The following SERGEF variants were observed in gnomAD, a reference collection of about 807,000 sequenced individuals.
The protein encoded by SERGEF is secretion-regulating guanine nucleotide exchange factor.
SERGEF carries 51 observed loss-of-function variants against 50.0 expected under a neutral mutation model. The ratio of observed to expected loss-of-function variants is 1.02; its 90% confidence interval spans 0.81 to 1.29. The LOEUF is 1.29. SERGEF is among the 50% of genes most tolerant of loss of function. The probability of loss-of-function intolerance (pLI) is 0.00; values close to 1 mark genes in which losing one functional copy is unlikely to be tolerated. For synonymous variants in SERGEF, 205 were observed against 212.4 expected (o/e 0.97, Z 0.30); for missense variants, 521 against 557.0 (o/e 0.94, Z 0.65).
chr11:18,005,847 A>C (rs1854061974), intron 3 of SERGEF, among the ~76,000 whole-genome samples: 1 of 152,192 alleles, frequency 6.6e-6, no homozygotes, highest in Admixed American at 6.5e-5. Flanking sequence ...TTTAGAAAAA[A>C]AAAAATCCCA....
chr11:17,863,055 G>A lies in SERGEF; in HGVS notation c.1048+15153C>T, dbSNP rs540130118. On this transcript the variant is annotated intron_variant, in intron 10 of 10. Coordinates refer to ENST00000265965, the MANE Select transcript of SERGEF (RefSeq NM_012139.4). ...CTCTGCAGGGAGCAGCACAAGAAGC[G>A]GCAAGTGCAGACCTTGCAGTCAGCA... is the stretch of plus-strand genomic sequence containing the variant. Among the ~76,000 whole-genome samples, 59 of 152,310 alleles carry A rather than the reference G, an allele frequency of 3.9e-4. No individual in the cohort carries two copies. The South Asian group carries it at 0.011, about 28-fold the overall frequency.
At chr11:17,865,418 A>T (rs1176750818) in intron 10 of SERGEF, among the ~76,000 whole-genome samples, 1 of 152,046 alleles carries the variant, frequency 6.6e-6, no homozygotes, top group Non-Finnish European at 1.5e-5. Flanking sequence ...CTGTAAAAAT[A>T]CCTCCTAAAA....
chr11:17,811,318 T>G (rs1849869170), intron 10 of SERGEF, among the ~76,000 whole-genome samples: 1 of 152,222 alleles, frequency 6.6e-6, no homozygotes, highest in South Asian at 2.1e-4. Context: ...CACATGGACG[T>G]AGCCAGGAGA....
At chr11:17,954,962 G>A (rs1852836313) in intron 9 of SERGEF, among the ~76,000 whole-genome samples, 1 of 152,188 alleles carries the variant, frequency 6.6e-6, no homozygotes, top group Non-Finnish European at 1.5e-5. Context: ...TGCTGGGATC[G>A]AATGAGACAA....
At position 17,878,194 on chromosome 11, in the gene SERGEF, TA is replaced by T; in HGVS notation, c.1048+13del. On this transcript the variant is annotated intron_variant, in intron 10 of 10. Transcript: ENST00000265965. ...TTTTCAGAAGAAACAGTTATCAGTA[TA>T]AAAATTACTTACCAATTATTGCCAA... The T allele has an allele frequency of 6.4e-7, 1 of 1,560,274 alleles. No individual in the cohort carries two copies. Among genetic ancestry groups the T allele is most frequent in the Non-Finnish European group, 8.8e-7 (1 of 1,138,428 alleles).
rs377558627 is a variant in SERGEF, at chr11:17,992,864, A to C, written c.685+67T>G. ...GACATTCCCTCTGTATTTCAATATC[A>C]CCACTTCAGGCAGTCACATACAGAA... On this transcript the variant is annotated intron_variant, in intron 7 of 10. Coordinates refer to ENST00000265965, the MANE Select transcript of SERGEF (RefSeq NM_012139.4). The C allele has an allele frequency of 1.2e-5, 16 of 1,314,760 alleles. No individual in the cohort carries two copies. The African/African-American group carries it at 2.2e-4, about 18-fold the overall frequency. 81.4% of individuals were successfully genotyped at this position (1,314,760 alleles called of 1,614,324 possible). A position where few individuals can be genotyped will look rare whatever the true frequency, so the allele number is the denominator to read the frequency against.
chr11:17,830,685 A>AGCGAGAGC (rs1554999499), intron 10 of SERGEF, among the ~76,000 whole-genome samples: 1 of 118,884 alleles, frequency 8.4e-6, no homozygotes, highest in African/African-American at 2.7e-5. Flanking sequence ...AGAGAGAGAG[A>AGCGAGAGC]GAGCACATGT....
At chr11:17,867,666 C>T (rs1006430115) in intron 10 of SERGEF, among the ~76,000 whole-genome samples, 21 of 152,244 alleles carry the variant, frequency 1.4e-4, no homozygotes, top group Non-Finnish European at 2.9e-5. Context: ...TTCCCTTCCA[C>T]ACTGCTCTAG....
At chr11:17,882,233 T>C (rs765930517) in intron 9 of SERGEF, among the ~76,000 whole-genome samples, 21 of 151,976 alleles carry the variant, frequency 1.4e-4, no homozygotes, top group Non-Finnish European at 2.4e-4. Flanking sequence ...CTGGCCAACA[T>C]GGTGAAACCC....
intron 8 of SERGEF, among the ~76,000 whole-genome samples, chr11:17,966,514 G>GT (rs1351229988): frequency 6.6e-6 from 1 of 152,122 alleles, no homozygotes; most frequent in Admixed American, 6.5e-5. Flanking sequence ...AAAATCTTCA[G>GT]TATTAAAATG....
At chr11:17,944,901 A>C (rs1852628582) in intron 9 of SERGEF, among the ~76,000 whole-genome samples, 1 of 152,254 alleles carries the variant, frequency 6.6e-6, no homozygotes, top group Non-Finnish European at 1.5e-5. Context: ...GAAAAGTATA[A>C]AATGAAAAGA....
intron 9 of SERGEF, among the ~76,000 whole-genome samples, chr11:17,946,293 CACT>C (rs1852660204): frequency 6.6e-6 from 1 of 152,170 alleles, no homozygotes; most frequent in Admixed American, 6.5e-5. Flanking sequence ...TAACGACCAC[CACT>C]GAGTCTCACT....
intron 8 of SERGEF, among the ~76,000 whole-genome samples, chr11:17,961,096 T>A (rs955231444): frequency 6.6e-6 from 1 of 152,180 alleles, no homozygotes; most frequent in African/African-American, 2.4e-5. Flanking sequence ...GCCACCTTTA[T>A]CATTGTACTC....
rs55967425 is a variant in SERGEF, at chr11:17,830,649, GGAGAGAGA to G, written c.1049-42244_1049-42237del. Among the ~76,000 whole-genome samples, 640 of 77,744 alleles carry G rather than the reference GGAGAGAGA, an allele frequency of 8.2e-3. 6 individuals carry two copies. Among genetic ancestry groups the G allele is most frequent in the African/African-American group, 0.024 (413 of 17,334 alleles). The allele number at this position is 77,744 out of a possible 152,430, so 51.0% of individuals were successfully genotyped here. On this transcript the variant is annotated intron_variant, in intron 10 of 10. Coordinates refer to ENST00000265965, the MANE Select transcript of SERGEF (RefSeq NM_012139.4). ...GAGGGAAAGGGGGAGGGAGAGGGAG[GGAGAGAGA>G]GAGAGAGAGAGAGAGAGAGAGAGAG... is the stretch of plus-strand genomic sequence containing the variant.
At chr11:17,922,805 C>T (rs747433997) in intron 9 of SERGEF, among the ~76,000 whole-genome samples, 2 of 152,196 alleles carry the variant, frequency 1.3e-5, no homozygotes, top group Non-Finnish European at 2.9e-5. Flanking sequence ...ATGCACCTGG[C>T]ACAATGCACA....
chr11:17,818,385 CA>C (rs779136949), intron 10 of SERGEF, among the ~76,000 whole-genome samples: 3 of 152,260 alleles, frequency 2.0e-5, no homozygotes, highest in Non-Finnish European at 4.4e-5. Context: ...GGAAATTTTA[CA>C]GAAAATATCT....
At chr11:17,836,053 TAG>T (rs1213521579) in intron 10 of SERGEF, among the ~76,000 whole-genome samples, 2 of 152,166 alleles carry the variant, frequency 1.3e-5, no homozygotes, top group Admixed American at 6.5e-5. Flanking sequence ...ACTGGTTAGG[TAG>T]AGAGTTGATT....
At chr11:17,824,318 C>T (rs1288578847) in intron 10 of SERGEF, among the ~76,000 whole-genome samples, 2 of 150,570 alleles carry the variant, frequency 1.3e-5, no homozygotes, top group African/African-American at 4.9e-5. Context: ...AAAAAAAGGC[C>T]TCTCTTTGTC....
At chr11:17,927,605 T>C (rs1018361014) in intron 9 of SERGEF, among the ~76,000 whole-genome samples, 9 of 152,230 alleles carry the variant, frequency 5.9e-5, no homozygotes, top group African/African-American at 2.2e-4. Flanking sequence ...GATTTCTGTG[T>C]CCTCCTTTGT....
Sources: gnomAD v4.1 joint callset for allele counts (sites outside exome capture counted in the v4.1 genomes callset) on GRCh38, gnomAD v4.1.1 for gene constraint, MANE v1.5 for transcripts, NCBI Gene and HGNC (gene_info 2026-07-23, HGNC 2026-07-21) for gene names.